Variants in RBPJ observed in about 807,000 individuals in gnomAD.
RBPJ encodes recombination signal binding protein for immunoglobulin kappa J region.
RBPJ carries 9 observed loss-of-function variants against 67.8 expected under a neutral mutation model. That is an observed-to-expected ratio of 0.13 (90% confidence interval 0.08 to 0.23). The LOEUF is 0.23. Ranked by LOEUF, RBPJ falls within the 10% of genes least tolerant of loss-of-function variation. The pLI is 1.00. For missense variants in RBPJ, 305 were observed against 595.6 expected (o/e 0.51, Z 5.08); for synonymous variants, 198 against 203.3 (o/e 0.97, Z 0.22).
At chr4:26,418,060 T>C (rs1274700830) in intron 4 of RBPJ, among the ~76,000 whole-genome samples, 1 of 152,222 alleles carries the variant, frequency 6.6e-6, no homozygotes, top group East Asian at 1.9e-4. Context: ...TTAACACTCT[T>C]GTGTTTTTCT....
chr4:26,112,542 G>A, the RBPJ span: 8 of 82,954 alleles, frequency 9.6e-5, no homozygotes, highest in Non-Finnish European at 1.8e-4. Context: ...TGAGGAGGCA[G>A]CCTTTTTTTT....
chr4:26,330,712 TG>T (rs1724149017), intron 1 of RBPJ, among the ~76,000 whole-genome samples: 1 of 152,220 alleles, frequency 6.6e-6, no homozygotes, highest in Admixed American at 6.5e-5. Context: ...CATTGTTTTT[TG>T]TTGTTATGAC....
chr4:26,134,824 G>A, the RBPJ span, among the ~76,000 whole-genome samples: 2 of 152,202 alleles, frequency 1.3e-5, no homozygotes, highest in Non-Finnish European at 2.9e-5. Context: ...AATGGCTGCA[G>A]GTGCATGAAC....
intron 1 of RBPJ, among the ~76,000 whole-genome samples, chr4:26,222,542 C>T (rs1314115800): frequency 6.8e-6 from 1 of 147,100 alleles, no homozygotes; most frequent in Non-Finnish European, 1.5e-5. Flanking sequence ...ATGAGTTTTC[C>T]AGTTATCCTG....
chr4:26,194,412 G>C (rs1484978237), intron 1 of RBPJ, among the ~76,000 whole-genome samples: 3 of 152,198 alleles, frequency 2.0e-5, no homozygotes, highest in African/African-American at 7.2e-5. Context: ...AATAACCATA[G>C]ATAATATCTA....
the RBPJ span, among the ~76,000 whole-genome samples, chr4:26,127,061 T>A: frequency 6.6e-6 from 1 of 152,162 alleles, no homozygotes; most frequent in Non-Finnish European, 1.5e-5. Flanking sequence ...TTTCAGCCAG[T>A]CATTGGATAT....
At chr4:26,284,464 A>C (rs991484481) in intron 1 of RBPJ, among the ~76,000 whole-genome samples, 1 of 152,038 alleles carries the variant, frequency 6.6e-6, no homozygotes, top group Non-Finnish European at 1.5e-5. Flanking sequence ...CTCTATTTTA[A>C]TTTTTATTTT....
At chr4:26,335,839 G>C (rs1724769209) in intron 1 of RBPJ, among the ~76,000 whole-genome samples, 1 of 151,352 alleles carries the variant, frequency 6.6e-6, no homozygotes, top group Non-Finnish European at 1.5e-5. Flanking sequence ...TAGCCAGGAT[G>C]GTCTCGAACT....
At chr4:26,244,138 T>TATATGTATACAC (rs1719746144) in intron 1 of RBPJ, among the ~76,000 whole-genome samples, 1 of 136,826 alleles carries the variant, frequency 7.3e-6, no homozygotes, top group South Asian at 2.3e-4. Context: ...AATGTATATA[T>TATATGTATACAC]ATATGTGTAC....
chr4:26,243,237 A>G (rs1008041018), intron 1 of RBPJ, among the ~76,000 whole-genome samples: 22 of 152,202 alleles, frequency 1.4e-4, no homozygotes, highest in Non-Finnish European at 2.8e-4. Flanking sequence ...TCTCAAAAAA[A>G]TAATAATGAT....
intron 1 of RBPJ, among the ~76,000 whole-genome samples, chr4:26,183,839 C>T (rs1447184794): frequency 2.6e-5 from 4 of 152,032 alleles, no homozygotes; most frequent in African/African-American, 9.7e-5. Context: ...GGTGAAATCC[C>T]TTTTCTACTA....
At chr4:26,314,454 G>A (rs150409563) in intron 1 of RBPJ, among the ~76,000 whole-genome samples, 1 of 152,152 alleles carries the variant, frequency 6.6e-6, no homozygotes, top group African/African-American at 2.4e-5. Flanking sequence ...CCAAATCTTA[G>A]GTCAAATTGT....
At chr4:26,160,935 A>G (rs949576), upstream of RBPJ, among the ~76,000 whole-genome samples, 145,058 of 152,304 alleles carry the variant, frequency 0.95, 69,501 homozygotes, top group East Asian at 1. Context: ...CCACCATGTT[A>G]CATCAGCTGG....
chr4:26,214,862 A>G (rs1187204165), intron 1 of RBPJ, among the ~76,000 whole-genome samples: 2 of 135,510 alleles, frequency 1.5e-5, no homozygotes, highest in African/African-American at 2.8e-5. Flanking sequence ...GAGAGAGGAA[A>G]GAGAAAATGA....
chr4:26,186,148 A>G (rs1178330400), intron 1 of RBPJ, among the ~76,000 whole-genome samples: 1 of 151,398 alleles, frequency 6.6e-6, no homozygotes, highest in Non-Finnish European at 1.5e-5. Flanking sequence ...CATCCACTTA[A>G]GTATAGAGAA....
At chr4:26,108,055 AT>A in the RBPJ span, among the ~76,000 whole-genome samples, 2 of 152,080 alleles carry the variant, frequency 1.3e-5, no homozygotes, top group African/African-American at 4.8e-5. Flanking sequence ...GTCTCTCCTC[AT>A]CCAGTGTGGC....
At chr4:26,287,622 A>C (rs1348347598) in intron 1 of RBPJ, among the ~76,000 whole-genome samples, 1 of 13,750 alleles carries the variant, frequency 7.3e-5, no homozygotes, top group African/African-American at 3.8e-4. Context: ...AGGGGAGGGG[A>C]GGGGAGGGGA....
At position 26,430,665 on chromosome 4, in the gene RBPJ, T is replaced by C. The variant is rs745852284; in HGVS notation, c.1149-27T>C. ...CATGTACTTTGCTTTTTAAAGTGTT[T>C]TTAAGTGATTTCTATTTCCTCCTCA... is the stretch of plus-strand genomic sequence containing the variant. On this transcript the variant is annotated intron_variant, in intron 10 of 10. Coordinates refer to ENST00000355476, the MANE Select transcript of RBPJ (RefSeq NM_015874.6). This position sits in a 1 kb window ranked among gnomAD's most constrained non-coding sequence, Gnocchi z 4.1. The C allele has an allele frequency of 1.2e-6, 2 of 1,608,470 alleles. No individual in the cohort carries two copies. The highest frequency in any genetic ancestry group is 1.3e-5 in the African/African-American group (1 of 74,790).
chr4:26,165,773 A>G (rs1405438346), intron 1 of RBPJ, among the ~76,000 whole-genome samples: 1 of 151,370 alleles, frequency 6.6e-6, no homozygotes, highest in Non-Finnish European at 1.5e-5. Flanking sequence ...TGTGCAGGTT[A>G]GTTACATATG....
Sources: allele counts gnomAD v4.1 joint callset (sites outside exome capture counted in the v4.1 genomes callset), GRCh38; gene constraint gnomAD v4.1.1; non-coding constraint Gnocchi (gnomAD v3.1); transcripts MANE v1.5; gene names NCBI Gene and HGNC (gene_info 2026-07-23, HGNC 2026-07-21).